Variants in BABAM2 observed in about 807,000 individuals in gnomAD.
BABAM2 encodes the protein BRISC and BRCA1-A complex member 2.
In BABAM2, 31 loss-of-function variants were observed where a neutral mutation model predicts 54.7. The ratio of observed to expected loss-of-function variants is 0.57; its 90% CI spans 0.43 to 0.77. The LOEUF (loss-of-function observed/expected upper bound fraction) is 0.77, where lower values mean the gene tolerates loss of function less well. Ranked by LOEUF, BABAM2 falls within the 30% of genes least tolerant of loss-of-function variation. BABAM2 has a pLI of 0.00. For synonymous variants in BABAM2, 167 were observed against 162.9 expected, an observed-to-expected ratio of 1.03 and a Z score of -0.19; for missense variants, 364 against 455.8, an observed-to-expected ratio of 0.80 and a Z score of 1.83.
intron 6 of BABAM2, among the ~76,000 whole-genome samples, chr2:28,098,572 A>G (rs1310060038): frequency 1.3e-5 from 2 of 152,124 alleles, no homozygotes; most frequent in Admixed American, 6.6e-5. Context: ...CTAATTGCCT[A>G]TTCAGTCAAG....
intron 11 of BABAM2, among the ~76,000 whole-genome samples, chr2:28,314,680 G>A (rs1203851389): frequency 2.0e-5 from 3 of 152,194 alleles, no homozygotes; most frequent in African/African-American, 4.8e-5. Context: ...CCCTGCTTTC[G>A]GTGAACTAGA....
intron 10 of BABAM2, among the ~76,000 whole-genome samples, chr2:28,253,717 A>G (rs541106406): frequency 6.6e-6 from 1 of 152,316 alleles, no homozygotes; most frequent in African/African-American, 2.4e-5. Context: ...AAGCCCCAAG[A>G]ACAAGAGCAG....
At chr2:28,160,791 T>A (rs1331204345) in intron 7 of BABAM2, among the ~76,000 whole-genome samples, 1 of 150,114 alleles carries the variant, frequency 6.7e-6, no homozygotes, top group Non-Finnish European at 1.5e-5. Context: ...ATAGTGAGTG[T>A]GGGCAAATGG....
At chr2:27,969,680 G>T (rs1292288148) in intron 3 of BABAM2, among the ~76,000 whole-genome samples, 1 of 152,162 alleles carries the variant, frequency 6.6e-6, no homozygotes, top group African/African-American at 2.4e-5. Flanking sequence ...TGAGGTTGGG[G>T]CTCGGGACGG....
rs184235496 is a variant in BABAM2 at position 27,917,177 on chromosome 2, G to A, written c.129-12655G>A. Among the ~76,000 whole-genome samples, 714 of 151,608 alleles carry A rather than the reference G, an allele frequency of 4.7e-3. 3 individuals are homozygous for A. The highest frequency in any genetic ancestry group is 8.0e-3 in the Non-Finnish European group (541 of 67,808). On this transcript the variant is annotated intron_variant, in intron 2 of 11. Coordinates refer to ENST00000379624, the MANE Select transcript of BABAM2 (RefSeq NM_199191.3). ...GGGCTACAGGCACGTGCCACCACGC[G>A]CAGCTAATTTTTGTATTTTTAGTAG...
intron 3 of BABAM2, among the ~76,000 whole-genome samples, chr2:27,946,350 G>A (rs1400280862): frequency 2.0e-5 from 3 of 151,966 alleles, no homozygotes; most frequent in African/African-American, 4.8e-5. Context: ...GATTAATTCC[G>A]CTTGATTATT....
intron 10 of BABAM2, among the ~76,000 whole-genome samples, chr2:28,260,148 G>A (rs539203265): frequency 7.2e-5 from 11 of 151,730 alleles, no homozygotes; most frequent in Middle Eastern, 3.4e-3. Flanking sequence ...CACCCGCCTC[G>A]GCCTCCCAAA....
chr2:28,252,295 T>C (rs1023237228), intron 10 of BABAM2, among the ~76,000 whole-genome samples: 5 of 151,976 alleles, frequency 3.3e-5, no homozygotes, highest in African/African-American at 1.2e-4. Context: ...GATAAAAGAA[T>C]ATGGAAAAAG....
intron 6 of BABAM2, among the ~76,000 whole-genome samples, chr2:28,070,556 C>CTTTTTTTTTTTTTTTTTTTTTTTT (rs35933472): frequency 6.8e-6 from 1 of 147,236 alleles, no homozygotes; most frequent in African/African-American, 2.5e-5. Context: ...CTTTTCTTTT[C>CTTTTTTTTTTTTTTTTTTTTTTTT]TTTTTTTTTT....
At chr2:28,193,378 C>G (rs888675637) in intron 7 of BABAM2, among the ~76,000 whole-genome samples, 2 of 152,078 alleles carry the variant, frequency 1.3e-5, no homozygotes, top group African/African-American at 4.8e-5. Flanking sequence ...CTGCCTTCAC[C>G]GAGGGATCTG....
chr2:28,208,062 T>C (rs990560554), intron 7 of BABAM2, among the ~76,000 whole-genome samples: 2 of 145,640 alleles, frequency 1.4e-5, no homozygotes, highest in African/African-American at 5.1e-5. Context: ...TGTGTGTGTG[T>C]GTGTACACAT....
chr2:28,127,376 C>G lies in BABAM2; in HGVS notation c.571-1895C>G, dbSNP rs147190330. Among the ~76,000 whole-genome samples the G allele has an allele frequency of 3.8e-3, 585 of 152,056 alleles. 6 individuals carry two copies. The highest frequency in any genetic ancestry group is 0.013 in the African/African-American group (552 of 41,468). On this transcript the variant is annotated intron_variant, in intron 6 of 11. Transcript: ENST00000379624. ...AGCATTTGGTGTGTTTAGTGGTTAC[C>G]CTTAGTGGGAATGGTCTTCATGAAC...
intron 5 of BABAM2, among the ~76,000 whole-genome samples, chr2:28,038,771 A>C (rs999234223): frequency 2.0e-5 from 3 of 152,202 alleles, no homozygotes; most frequent in Non-Finnish European, 4.4e-5. Context: ...CATTTTAAAA[A>C]TCCAGTTCAC....
chr2:28,338,407 T>C (rs1691654756), intron 11 of BABAM2, 43 bp from the exon 12 acceptor site: 1 of 1,554,322 alleles, frequency 6.4e-7, no homozygotes, highest in African/African-American at 1.4e-5. Context: ...TTCAAGTTGT[T>C]TGTGCTAACC....
chr2:28,281,978 C>G (rs1054451368), intron 10 of BABAM2, among the ~76,000 whole-genome samples: 35 of 152,142 alleles, frequency 2.3e-4, no homozygotes, highest in Non-Finnish European at 1.9e-4. Context: ...ATGAGACTTT[C>G]TGAAAAGGAA....
chr2:28,292,759 C>T (rs1687392312), intron 10 of BABAM2, among the ~76,000 whole-genome samples: 1 of 152,232 alleles, frequency 6.6e-6, no homozygotes. Context: ...CCATAGCCCA[C>T]TTCCCTTCAG....
At chr2:27,930,706 AAG>A (rs1558596194) in intron 3 of BABAM2, among the ~76,000 whole-genome samples, 1 of 152,180 alleles carries the variant, frequency 6.6e-6, no homozygotes, top group African/African-American at 2.4e-5. Context: ...GATAGTATGG[AAG>A]ATCTGTCATT....
intron 10 of BABAM2, among the ~76,000 whole-genome samples, chr2:28,296,319 A>T (rs921714551): frequency 1.3e-5 from 2 of 152,208 alleles, no homozygotes; most frequent in African/African-American, 4.8e-5. Flanking sequence ...CTATACTATG[A>T]ACTCTCTGCT....
At chr2:27,954,397 G>A (rs958674290) in intron 3 of BABAM2, among the ~76,000 whole-genome samples, 4 of 152,166 alleles carry the variant, frequency 2.6e-5, no homozygotes, top group Admixed American at 6.5e-5. Flanking sequence ...TGCTTCCTCC[G>A]GCCCTTGGAG....
Sources: gnomAD v4.1 joint callset for allele counts (sites outside exome capture counted in the v4.1 genomes callset) on GRCh38, gnomAD v4.1.1 for gene constraint, MANE v1.5 for transcripts, NCBI Gene and HGNC (gene_info 2026-07-23, HGNC 2026-07-21) for gene names.